The following PTPRO variants were observed in gnomAD, a reference collection of about 807,000 sequenced individuals.
PTPRO encodes receptor-type tyrosine-protein phosphatase O.
In PTPRO, 62 loss-of-function variants were observed where a neutral mutation model predicts 145.2. The observed-to-expected ratio is 0.43, with a 90% CI of 0.35 to 0.53. The LOEUF (loss-of-function observed/expected upper bound fraction) is 0.53. Among genes scored for constraint, PTPRO ranks in the 20% least tolerant of loss-of-function variants. The pLI is 0.01. For synonymous variants in PTPRO, 565 were observed against 514.7 expected, an observed-to-expected ratio of 1.10 and a Z score of -1.32; for missense variants, 1,345 against 1,482.7, an observed-to-expected ratio of 0.91 and a Z score of 1.53.
chr12:15,584,002 A>G (rs1944378993), intron 23 of PTPRO, among the ~76,000 whole-genome samples: 1 of 152,268 alleles, frequency 6.6e-6, no homozygotes, highest in Non-Finnish European at 1.5e-5. Flanking sequence ...TCAAATGCAG[A>G]GTTTCAGCTT....
chr12:15,378,434 T>C (rs1357969429), intron 1 of PTPRO, among the ~76,000 whole-genome samples: 1 of 151,932 alleles, frequency 6.6e-6, no homozygotes, highest in East Asian at 1.9e-4. Context: ...ACCAACAAAG[T>C]GGATAACTTA....
intron 1 of PTPRO, chr12:15,440,051 C>A: frequency 1.5e-6 from 1 of 648,546 alleles, no homozygotes; most frequent in Non-Finnish European, 2.8e-6. Context: ...GATCTGCAAG[C>A]CCCACACTGT....
chr12:15,561,820 C>T (rs1943780259), intron 17 of PTPRO, among the ~76,000 whole-genome samples: 1 of 152,104 alleles, frequency 6.6e-6, no homozygotes, highest in African/African-American at 2.4e-5. Context: ...TATATCATTT[C>T]CTTGCTTAAT....
chr12:15,358,133 A>C (rs1938056302), intron 1 of PTPRO, among the ~76,000 whole-genome samples: 1 of 150,448 alleles, frequency 6.6e-6, no homozygotes, highest in Non-Finnish European at 1.5e-5. Flanking sequence ...AACTATCGCA[A>C]GGACAAAAAA....
rs887163518 is a variant in PTPRO, at chr12:15,580,628, A to G, written c.2998-69A>G. Reference sequence around the variant, plus strand: ...CCAGTAAGTTTTCAGTTTTTTTCCCATAGGCGTGAAGCAGCATTTGGTGTT... The same window carrying G: ...CCAGTAAGTTTTCAGTTTTTTTCCCGTAGGCGTGAAGCAGCATTTGGTGTT... On this transcript the variant is annotated intron_variant, in intron 21 of 26. Coordinates refer to ENST00000281171, the MANE Select transcript of PTPRO (RefSeq NM_030667.3). 1.1e-5 allele frequency: 17 copies of G among 1,602,784 alleles called. 1 individual carries two copies. The highest frequency in any genetic ancestry group is 1.7e-4 in the Middle Eastern group (1 of 6,000).
chr12:15,486,763 G>A (rs770040326), intron 2 of PTPRO, among the ~76,000 whole-genome samples: 5 of 151,538 alleles, frequency 3.3e-5, no homozygotes, highest in Non-Finnish European at 7.4e-5. Flanking sequence ...TCGCTCAATA[G>A]CCATATGTAG....
chr12:15,485,380 A>G (rs554892193), intron 2 of PTPRO, among the ~76,000 whole-genome samples: 1 of 152,302 alleles, frequency 6.6e-6, no homozygotes, highest in South Asian at 2.1e-4. Context: ...AACAAGCTCT[A>G]GAAAAAGATG....
At chr12:15,495,126 G>T (rs1271425511) in intron 2 of PTPRO, among the ~76,000 whole-genome samples, 1 of 151,978 alleles carries the variant, frequency 6.6e-6, no homozygotes, top group Non-Finnish European at 1.5e-5. Flanking sequence ...CATGTAGGAA[G>T]ACTAGGGATG....
chr12:15,342,064 T>C (rs1189960133), intron 1 of PTPRO, among the ~76,000 whole-genome samples: 1 of 152,236 alleles, frequency 6.6e-6, no homozygotes, highest in Non-Finnish European at 1.5e-5. Flanking sequence ...TCCACATTTA[T>C]GTGTATTTGT....
At position 15,565,436 on chromosome 12, in the gene PTPRO, T is replaced by C. The variant is rs139986606; in HGVS notation, c.2712-157T>C. The C allele has an allele frequency of 4.0e-3, 2,167 of 542,248 alleles. 46 individuals carry two copies. Among genetic ancestry groups the C allele is most frequent in the African/African-American group, 0.039 (1,990 of 51,522 alleles). The allele number at this position is 542,248 out of a possible 1,614,324, so 33.6% of individuals were successfully genotyped here. On this transcript the variant is annotated intron_variant, in intron 17 of 26. Coordinates refer to ENST00000281171, the MANE Select transcript of PTPRO (RefSeq NM_030667.3). Reference sequence around the variant, plus strand: ...TGAATCTGAAATTATTATTATCTTCTCATGTAAGGAAAAGTAAACAAACCT... The same window carrying C: ...TGAATCTGAAATTATTATTATCTTCCCATGTAAGGAAAAGTAAACAAACCT...
chr12:15,427,985 G>A (rs1456442843), intron 1 of PTPRO, among the ~76,000 whole-genome samples: 11 of 152,122 alleles, frequency 7.2e-5, no homozygotes. Flanking sequence ...GTTTATCAAT[G>A]TAGGTAACTA....
At chr12:15,417,274 G>A (rs1409326815) in intron 1 of PTPRO, among the ~76,000 whole-genome samples, 1 of 151,676 alleles carries the variant, frequency 6.6e-6, no homozygotes, top group South Asian at 2.1e-4. Flanking sequence ...CCATCATAAA[G>A]TCACAAAAGC....
intron 1 of PTPRO, among the ~76,000 whole-genome samples, chr12:15,472,330 T>C (rs999206591): frequency 6.6e-6 from 1 of 152,212 alleles, no homozygotes; most frequent in Non-Finnish European, 1.5e-5. Context: ...CTCCTAATTA[T>C]ATAAGTCTTG....
chr12:15,423,133 G>C (rs2136329799), intron 1 of PTPRO, among the ~76,000 whole-genome samples: 1 of 152,276 alleles, frequency 6.6e-6, no homozygotes, highest in African/African-American at 2.4e-5. Context: ...CCAACTGGTG[G>C]AAAGTCCCCC....
At chr12:15,452,489 T>C (rs1007488341) in intron 1 of PTPRO, among the ~76,000 whole-genome samples, 1 of 152,110 alleles carries the variant, frequency 6.6e-6, no homozygotes. Flanking sequence ...CCCTAAATCA[T>C]TCTATGAAGC....
chr12:15,366,958 G>C (rs903426122), intron 1 of PTPRO, among the ~76,000 whole-genome samples: 2 of 151,910 alleles, frequency 1.3e-5, no homozygotes, highest in East Asian at 1.9e-4. Context: ...AAAAATGAAA[G>C]GTCACTCATT....
At chr12:15,408,534 C>A (rs1220535998) in intron 1 of PTPRO, among the ~76,000 whole-genome samples, 2 of 152,034 alleles carry the variant, frequency 1.3e-5, no homozygotes, top group Admixed American at 6.6e-5. Flanking sequence ...TTCAAGTCAT[C>A]CTTCTGCTTC....
intron 1 of PTPRO, among the ~76,000 whole-genome samples, chr12:15,405,464 A>G (rs1482833384): frequency 6.6e-6 from 1 of 152,046 alleles, no homozygotes; most frequent in Non-Finnish European, 1.5e-5. Context: ...TTGATCAGAA[A>G]CTCTAATTGA....
intron 20 of PTPRO, 54 bp downstream of exon 20, chr12:15,578,997 T>C: frequency 1.4e-6 from 2 of 1,423,976 alleles, no homozygotes; most frequent in Non-Finnish European, 2.0e-6. Context: ...TGAAGGACTG[T>C]CATTGCAGAT....
Sources: gnomAD v4.1 joint callset for allele counts (sites outside exome capture counted in the v4.1 genomes callset) on GRCh38, gnomAD v4.1.1 for gene constraint, MANE v1.5 for transcripts, NCBI Gene and HGNC (gene_info 2026-07-23, HGNC 2026-07-21) for gene names.